Variants in PRR16 observed in about 807,000 individuals in gnomAD.
PRR16 encodes the protein protein Largen.
PRR16 carries 6 observed loss-of-function variants against 18.2 expected under a neutral mutation model. The observed-to-expected ratio is 0.33, with a 90% CI of 0.18 to 0.65. The LOEUF (loss-of-function observed/expected upper bound fraction) is 0.65. Ranked by LOEUF, PRR16 falls within the 30% of genes least tolerant of loss-of-function variation. The pLI, the probability that PRR16 is intolerant of heterozygous loss-of-function variation, is 0.74. For synonymous variants in PRR16, 151 were observed against 147.8 expected (o/e 1.02, Z -0.16); for missense variants, 412 against 376.6 (o/e 1.09, Z -0.78).
chr5:120,529,862 A>G (rs999091743), intron 1 of PRR16, among the ~76,000 whole-genome samples: 4 of 152,112 alleles, frequency 2.6e-5, no homozygotes, highest in African/African-American at 9.7e-5. Context: ...ATGTAAGTAA[A>G]GTCACTCTTA....
rs77651986 is a variant in PRR16 at position 120,675,415 on chromosome 5, C to T, written c.160-10539C>T. ...GTGGGGCCATTAGACACAATGTGTTCTTGTTAAATACAGTGATTCAACAAT... is the reference window on the plus strand; with the variant it reads ...GTGGGGCCATTAGACACAATGTGTTTTTGTTAAATACAGTGATTCAACAAT... On this transcript the variant is annotated intron_variant, in intron 1 of 1. Coordinates refer to ENST00000407149, the MANE Select transcript of PRR16 (RefSeq NM_001300783.2). Among the ~76,000 whole-genome samples the T allele has an allele frequency of 8.6e-3, 1,306 of 151,974 alleles. 6 individuals are homozygous for T. Among genetic ancestry groups the T allele is most frequent in the South Asian group, 0.028 (133 of 4,814 alleles).
chr5:120,543,871 G>A (rs1434769242), intron 1 of PRR16, among the ~76,000 whole-genome samples: 1 of 152,124 alleles, frequency 6.6e-6, no homozygotes, highest in Non-Finnish European at 1.5e-5. Flanking sequence ...TGTCCTCTTT[G>A]AGTCTCAGTT....
the PRR16 span, among the ~76,000 whole-genome samples, chr5:120,770,084 A>T: frequency 6.6e-5 from 10 of 152,050 alleles, no homozygotes; most frequent in African/African-American, 2.4e-4. Context: ...ATTTTTATAA[A>T]GTAAAGAAAA....
At chr5:120,747,814 A>C in the PRR16 span, among the ~76,000 whole-genome samples, 2 of 152,228 alleles carry the variant, frequency 1.3e-5, no homozygotes, top group South Asian at 2.1e-4. Flanking sequence ...TTAGTTTGTC[A>C]AACAGTTCCT....
At chr5:120,521,996 T>A (rs145743620) in intron 1 of PRR16, among the ~76,000 whole-genome samples, 2,794 of 152,344 alleles carry the variant, frequency 0.018, 83 homozygotes, top group African/African-American at 0.064. Context: ...ACAAAGGACA[T>A]GCACTCATCC....
intron 1 of PRR16, among the ~76,000 whole-genome samples, chr5:120,537,385 T>C (rs910294922): frequency 8.5e-5 from 13 of 152,208 alleles, no homozygotes; most frequent in African/African-American, 3.1e-4. Flanking sequence ...GGGTATAATG[T>C]TACATTTGCT....
the PRR16 span, among the ~76,000 whole-genome samples, chr5:120,760,855 C>T: frequency 6.6e-6 from 1 of 152,018 alleles, no homozygotes; most frequent in Non-Finnish European, 1.5e-5. Flanking sequence ...ACAATGAAAA[C>T]CTGATGGATA....
chr5:120,743,373 A>G, the PRR16 span, among the ~76,000 whole-genome samples: 1 of 151,498 alleles, frequency 6.6e-6, no homozygotes, highest in Non-Finnish European at 1.5e-5. Flanking sequence ...GGTATATTTC[A>G]TAGGTGATTA....
At chr5:120,669,897 T>A (rs1756537394) in intron 1 of PRR16, among the ~76,000 whole-genome samples, 1 of 152,098 alleles carries the variant, frequency 6.6e-6, no homozygotes, top group African/African-American at 2.4e-5. Context: ...TGATTTTTTT[T>A]AACTAATGAT....
chr5:120,761,415 T>C, the PRR16 span, among the ~76,000 whole-genome samples: 1 of 152,108 alleles, frequency 6.6e-6, no homozygotes, highest in Non-Finnish European at 1.5e-5. Context: ...ACCCCTAGAC[T>C]ATATCTCAAA....
chr5:120,514,055 G>T (rs981338163), intron 1 of PRR16, among the ~76,000 whole-genome samples: 1 of 152,128 alleles, frequency 6.6e-6, no homozygotes, highest in Non-Finnish European at 1.5e-5. Flanking sequence ...ACCGCACCTT[G>T]CCACATCTGT....
chr5:120,706,161 C>T, the PRR16 span, among the ~76,000 whole-genome samples: 7 of 152,058 alleles, frequency 4.6e-5, no homozygotes, highest in Non-Finnish European at 8.8e-5. Context: ...CTTTTGTGCT[C>T]AGAGAGCTAC....
At chr5:120,660,125 G>A (rs181450659) in intron 1 of PRR16, among the ~76,000 whole-genome samples, 2 of 152,118 alleles carry the variant, frequency 1.3e-5, no homozygotes, top group East Asian at 3.9e-4. Flanking sequence ...AATAAGGACA[G>A]TATAAGACAC....
chr5:120,469,472 G>A (rs573216134), intron 1 of PRR16, among the ~76,000 whole-genome samples: 104 of 151,640 alleles, frequency 6.9e-4, no homozygotes, highest in African/African-American at 2.2e-3. Flanking sequence ...AGAGGCATGC[G>A]CCGCCATGCC....
At chr5:120,646,048 T>TTTTATATATATATATATATATATA (rs748781292) in intron 1 of PRR16, among the ~76,000 whole-genome samples, 1 of 104,984 alleles carries the variant, frequency 9.5e-6, no homozygotes, top group South Asian at 3.4e-4. Flanking sequence ...AATACATATT[T>TTTTATATATATATATATATATATA]TATATATATA....
chr5:120,772,233 C>G, the PRR16 span, among the ~76,000 whole-genome samples: 1 of 152,004 alleles, frequency 6.6e-6, no homozygotes, highest in African/African-American at 2.4e-5. Flanking sequence ...TTTAACTGTT[C>G]CAAAATCCTA....
At chr5:120,705,865 G>A in the PRR16 span, among the ~76,000 whole-genome samples, 1 of 152,052 alleles carries the variant, frequency 6.6e-6, no homozygotes, top group African/African-American at 2.4e-5. Context: ...AAAAAAAATT[G>A]TAACACAAGA....
At chr5:120,745,970 C>A in the PRR16 span, among the ~76,000 whole-genome samples, 6 of 151,680 alleles carry the variant, frequency 4.0e-5, no homozygotes, top group African/African-American at 1.5e-4. Flanking sequence ...TCTTTGCCCC[C>A]CAAAATGCTG....
the PRR16 span, among the ~76,000 whole-genome samples, chr5:120,709,118 C>T: frequency 6.7e-6 from 1 of 149,818 alleles, no homozygotes; most frequent in Non-Finnish European, 1.5e-5. Flanking sequence ...TGCCGTTCTC[C>T]TTCCTCAGCC....
Sources: gnomAD v4.1 joint callset for allele counts (sites outside exome capture counted in the v4.1 genomes callset) on GRCh38, gnomAD v4.1.1 for gene constraint, MANE v1.5 for transcripts, NCBI Gene and HGNC (gene_info 2026-07-23, HGNC 2026-07-21) for gene names.